Variants in SMARCA4 observed in about 807,000 individuals in gnomAD.
SMARCA4 encodes the protein SWI/SNF-related matrix-associated actin-dependent regulator of chromatin subfamily A member 4.
Under a neutral mutation model 193.9 loss-of-function variants are expected in SMARCA4, and 31 were observed. That is an observed-to-expected ratio of 0.16 (90% CI 0.12 to 0.22). The LOEUF is 0.22. Ranked by LOEUF, SMARCA4 falls within the 10% of genes least tolerant of loss-of-function variation. The probability of loss-of-function intolerance (pLI) is 1.00; values close to 1 mark genes in which losing one functional copy is unlikely to be tolerated. For missense variants in SMARCA4, 1,148 were observed against 2,296.0 expected (o/e 0.50, Z 10.22); for synonymous variants, 942 against 933.1 (o/e 1.01, Z -0.17).
At chr19:11,025,374 C>T in intron 21 of SMARCA4, 48 bp from the exon 22 acceptor site, 1 of 1,333,438 alleles carries the variant, frequency 7.5e-7, no homozygotes, top group South Asian at 1.2e-5. Context: ...GCCCACCCCA[C>T]CCCAGGAGGG....
rs780881662 is a variant in SMARCA4 at position 10,986,205 on chromosome 19, G to A, written c.372G>A (p.Leu124=). The A allele has an allele frequency of 7.4e-6, 12 of 1,613,776 alleles. No homozygotes were observed. In the African/African-American group the frequency reaches 1.5e-4, roughly 20 times the overall value. Residue 124 remains leucine (L), a synonymous_variant, in exon 4 of 35, where the codon CTG becomes CTA. Coordinates refer to ENST00000344626, the MANE Select transcript of SMARCA4 (RefSeq NM_003072.5). This position sits in a 1 kb window ranked among gnomAD's most constrained non-coding sequence, Gnocchi z 6.7. ...DQHSQGYPSP[L]GGSEHASSPV... is the part of the protein sequence containing the mutation. ...TCTCTGCAGGTTACCCCTCGCCCCT[G>A]GGTGGCTCTGAGCATGCCTCTAGTC... is the stretch of plus-strand genomic sequence containing the variant.
chr19:11,027,631 C>T, intron 23 of SMARCA4, 153 bp from the exon 24 acceptor site: 1 of 809,726 alleles, frequency 1.2e-6, no homozygotes. Flanking sequence ...TTTGCTGAAG[C>T]TTTGGGTGGG....
At chr19:11,000,605 G>A (rs2087538293) in intron 11 of SMARCA4, among the ~76,000 whole-genome samples, 1 of 152,056 alleles carries the variant, frequency 6.6e-6, no homozygotes, top group African/African-American at 2.4e-5. Flanking sequence ...AATGGGCCAG[G>A]TGCGGTGGCT....
At chr19:11,053,866 G>A (rs1026684560) in intron 30 of SMARCA4, among the ~76,000 whole-genome samples, 1 of 152,140 alleles carries the variant, frequency 6.6e-6, no homozygotes, top group African/African-American at 2.4e-5. Context: ...AGCTAGGATG[G>A]CACCACTGCA....
chr19:11,045,224 G>C (rs1005254105), intron 30 of SMARCA4, among the ~76,000 whole-genome samples: 1 of 152,210 alleles, frequency 6.6e-6, no homozygotes, highest in African/African-American at 2.4e-5. Context: ...GGAGGCTGAG[G>C]CGGGAGAATG....
intron 1 of SMARCA4, chr19:10,980,767 T>C (rs901157888): frequency 4.6e-5 from 7 of 152,256 alleles, no homozygotes; most frequent in African/African-American, 1.7e-4. Flanking sequence ...CTCTTTTTCC[T>C]CTGAGACAGC....
chr19:10,979,971 G>A (rs2085432413), intron 1 of SMARCA4, among the ~76,000 whole-genome samples: 1 of 152,102 alleles, frequency 6.6e-6, no homozygotes, highest in African/African-American at 2.4e-5. Context: ...AGAATCACAC[G>A]CTGCTCCCCT....
chr19:10,990,964 C>T (rs1420988398), intron 7 of SMARCA4, among the ~76,000 whole-genome samples, 186 bp from the exon 8 acceptor site: 1 of 152,238 alleles, frequency 6.6e-6, no homozygotes, highest in East Asian at 1.9e-4. Context: ...GAAGTGATCA[C>T]CTTCTGTCCT....
intron 1 of SMARCA4, among the ~76,000 whole-genome samples, chr19:10,982,048 G>A (rs778110715): frequency 1.4e-4 from 22 of 151,968 alleles, no homozygotes; most frequent in Non-Finnish European, 3.1e-4. Context: ...CTAATACAAT[G>A]TAATTTTTGG....
intron 30 of SMARCA4, among the ~76,000 whole-genome samples, chr19:11,052,212 T>G (rs1184071847): frequency 6.6e-6 from 1 of 152,218 alleles, no homozygotes; most frequent in African/African-American, 2.4e-5. Flanking sequence ...ATTGAGTGAC[T>G]GTGAAACATC....
intron 1 of SMARCA4, among the ~76,000 whole-genome samples, chr19:10,973,805 C>G (rs374373955): frequency 6.6e-6 from 1 of 152,110 alleles, no homozygotes; most frequent in South Asian, 2.1e-4. Flanking sequence ...TCCTGACCCT[C>G]GTGATCCACC....
chr19:11,007,429 CAAAAAA>C (rs1188457080), intron 13 of SMARCA4, among the ~76,000 whole-genome samples: 3 of 56,162 alleles, frequency 5.3e-5, no homozygotes, highest in East Asian at 6.4e-4. Flanking sequence ...CACTTCGTCT[CAAAAAA>C]AAAAAAAAAA....
chr19:11,024,282 A>G (rs755987160), intron 20 of SMARCA4, 49 bp from the exon 21 acceptor site: 1 of 1,333,948 alleles, frequency 7.5e-7, no homozygotes. Context: ...GGGGGGAGTC[A>G]GGCCTCAAGC....
At chr19:10,991,379 T>A (rs2086549092) in intron 8 of SMARCA4, 56 bp downstream of exon 8, 8 of 1,551,894 alleles carry the variant, frequency 5.2e-6, no homozygotes, top group Non-Finnish European at 7.0e-6. Context: ...GCCTGGCTTG[T>A]CCAGCGGTTG....
At position 11,058,164 on chromosome 19, in the gene SMARCA4, A is replaced by G. The variant is rs1318890865; in HGVS notation, c.4425-91A>G. The G allele has an allele frequency of 3.7e-6, 3 of 818,994 alleles. No homozygotes were observed. The highest frequency in any genetic ancestry group is 4.2e-6 in the Non-Finnish European group (2 of 476,386). 50.7% of individuals were successfully genotyped at this position (818,994 alleles called of 1,614,324 possible). On this transcript the variant is annotated intron_variant, in intron 30 of 34. Coordinates refer to ENST00000344626, the MANE Select transcript of SMARCA4 (RefSeq NM_003072.5). The surrounding 1 kb of genome is among the most constrained non-coding windows in gnomAD (Gnocchi z 5.8). ...CTCCTGAGCTGAGTTGGAATTTCTC[A>G]TCCTTAAACAATGTGGGAACCTGCT...
At position 11,033,675 on chromosome 19, in the gene SMARCA4, C is replaced by G; in HGVS notation, c.3775-92C>G. The G allele has an allele frequency of 1.3e-6, 1 of 777,910 alleles. No homozygotes were observed. 48.2% of individuals were successfully genotyped at this position (777,910 alleles called of 1,614,324 possible). A position where few individuals can be genotyped will look rare whatever the true frequency, so the allele number is the denominator to read the frequency against. Reference sequence around the variant, plus strand: ...TGAACGGAAAGAGGATGAGTACTTGCTTTTTCTTTGAAGTGGTTTTTTTTT... The same window carrying G: ...TGAACGGAAAGAGGATGAGTACTTGGTTTTTCTTTGAAGTGGTTTTTTTTT... On this transcript the variant is annotated intron_variant, in intron 26 of 34. Transcript: ENST00000344626. This position sits in a 1 kb window ranked among gnomAD's most constrained non-coding sequence, Gnocchi z 9.8.
chr19:11,019,707 G>T lies in SMARCA4; in HGVS notation c.2616+6G>T, dbSNP rs766415751. 1.2e-5 allele frequency: 19 copies of T among 1,599,340 alleles called. No individual in the cohort carries two copies. Among genetic ancestry groups the T allele is most frequent in the Non-Finnish European group, 1.5e-5 (17 of 1,167,258 alleles). On this transcript the variant is annotated splice_donor_region_variant and intron_variant, in intron 18 of 34. Transcript: ENST00000344626. The surrounding 1 kb of genome is among the most constrained non-coding windows in gnomAD (Gnocchi z 6.1). ...ACAAGCACATCCTCGCCAAGGTAAC[G>T]TGTCCCTGTGGGAAATGCCAGGCCA...
intron 29 of SMARCA4, among the ~76,000 whole-genome samples, chr19:11,036,160 C>T (rs902868586): frequency 9.9e-5 from 15 of 152,222 alleles, no homozygotes; most frequent in South Asian, 6.2e-4. Flanking sequence ...TCCTGTTCCC[C>T]AGCCAGCCTC....
Position 11,019,073 on chromosome 19 carries a change from G to A in SMARCA4, c.2505+50G>A. 7.1e-7 allele frequency: 1 copy of A among 1,414,378 alleles called. No individual in the cohort carries two copies. Among genetic ancestry groups the A allele is most frequent in the Non-Finnish European group, 1.0e-6 (1 of 997,664 alleles). The allele number at this position is 1,414,378 out of a possible 1,614,324, so 87.6% of individuals were successfully genotyped here. A position where few individuals can be genotyped will look rare whatever the true frequency, so the allele number is the denominator to read the frequency against. ...CTCTCTTGCTACGGAGGTGCAGGCG[G>A]TGGTGGGCAGGACGTCCACACATAC... On this transcript the variant is annotated intron_variant, in intron 17 of 34. Transcript: ENST00000344626. The surrounding 1 kb of genome is among the most constrained non-coding windows in gnomAD (Gnocchi z 6.1).
Sources: allele counts gnomAD v4.1 joint callset (sites outside exome capture counted in the v4.1 genomes callset), GRCh38; gene constraint gnomAD v4.1.1; non-coding constraint Gnocchi (gnomAD v3.1); transcripts MANE v1.5; gene names NCBI Gene and HGNC (gene_info 2026-07-23, HGNC 2026-07-21).